The following SPTBN4 variants were observed in gnomAD, a reference collection of about 807,000 sequenced individuals.
SPTBN4 encodes spectrin beta, non-erythrocytic 4, also known as spectrin beta chain, non-erythrocytic 4.
Under a neutral mutation model 277.8 loss-of-function variants are expected in SPTBN4, and 96 were observed. That is an observed-to-expected ratio of 0.35 (90% CI 0.29 to 0.41). The LOEUF (loss-of-function observed/expected upper bound fraction) is 0.41, where lower values mean the gene tolerates loss of function less well. Among genes scored for constraint, SPTBN4 ranks in the 10% least tolerant of loss-of-function variants. The pLI, the probability that SPTBN4 is intolerant of heterozygous loss-of-function variation, is 1.00. For synonymous variants in SPTBN4, 1,481 were observed against 1,580.3 expected (o/e 0.94, Z 1.49); for missense variants, 3,006 against 3,595.7 (o/e 0.84, Z 4.19).
rs758584734 is a variant in SPTBN4, at chr19:40,554,719, A to G, written c.5084+73A>G. 7.1e-5 allele frequency: 110 copies of G among 1,554,894 alleles called. No individual in the cohort carries two copies. The highest frequency in any genetic ancestry group is 9.1e-5 in the Non-Finnish European group (105 of 1,150,312). On this transcript the variant is annotated intron_variant, in intron 24 of 35. Coordinates refer to ENST00000598249, the MANE Select transcript of SPTBN4 (RefSeq NM_020971.3). This position sits in a 1 kb window ranked among gnomAD's most constrained non-coding sequence, Gnocchi z 5.7. ...AAGCTTCGCTGTTGGGAGTTGGCGC[A>G]GCGCTGGAATTGGACGTTGGGTGGG...
At chr19:40,521,821 A>T (rs552831467) in intron 16 of SPTBN4, among the ~76,000 whole-genome samples, 6 of 152,280 alleles carry the variant, frequency 3.9e-5, no homozygotes, top group Non-Finnish European at 7.4e-5. Context: ...TGACCCACCC[A>T]TTTAAAAAAT....
rs180844163 is a variant in SPTBN4, at chr19:40,569,514, G to A, written c.6957-143G>A. The A allele has an allele frequency of 2.1e-3, 1,553 of 741,518 alleles. 23 individuals carry two copies. The African/African-American group carries it at 0.026, about 12-fold the overall frequency. The allele number at this position is 741,518 out of a possible 1,614,324, so 45.9% of individuals were successfully genotyped here. A position where few individuals can be genotyped will look rare whatever the true frequency, so the allele number is the denominator to read the frequency against. ...CCCAAACACCTGTGGTACCTAAGGCGAGCATCTGAGAGAAACAGCTGCAGA... is the reference window on the plus strand; with the variant it reads ...CCCAAACACCTGTGGTACCTAAGGCAAGCATCTGAGAGAAACAGCTGCAGA... On this transcript the variant is annotated intron_variant, in intron 31 of 35. Coordinates refer to ENST00000598249, the MANE Select transcript of SPTBN4 (RefSeq NM_020971.3).
chr19:40,531,025 G>A (rs1019559047), intron 18 of SPTBN4, among the ~76,000 whole-genome samples: 3 of 151,020 alleles, frequency 2.0e-5, no homozygotes, highest in African/African-American at 7.3e-5. Context: ...GATGATGGAG[G>A]TGAATCACTT....
intron 17 of SPTBN4, among the ~76,000 whole-genome samples, chr19:40,526,635 A>G (rs1284350497): frequency 6.6e-5 from 10 of 152,026 alleles, no homozygotes; most frequent in Non-Finnish European, 1.3e-4. Context: ...CCCAGGCTGG[A>G]GTGCAGTGGT....
At chr19:40,508,983 T>A (rs1287946107) in intron 13 of SPTBN4, among the ~76,000 whole-genome samples, 2 of 152,122 alleles carry the variant, frequency 1.3e-5, no homozygotes, top group Non-Finnish European at 2.9e-5. Flanking sequence ...GGCAAGATTA[T>A]GGAGCGAGCT....
At chr19:40,559,586 T>C (rs2081020824) in intron 26 of SPTBN4, among the ~76,000 whole-genome samples, 1 of 152,168 alleles carries the variant, frequency 6.6e-6, no homozygotes, top group Non-Finnish European at 1.5e-5. Flanking sequence ...ATGTCAAGGC[T>C]GCAGTGAATT....
intron 17 of SPTBN4, among the ~76,000 whole-genome samples, chr19:40,528,327 C>G (rs1006471661): frequency 5.3e-5 from 8 of 152,182 alleles, no homozygotes; most frequent in African/African-American, 1.9e-4. Context: ...GTGGTACGGC[C>G]TGGGTCCAGC....
intron 17 of SPTBN4, among the ~76,000 whole-genome samples, chr19:40,525,009 C>A (rs1320856391): frequency 6.6e-6 from 1 of 152,108 alleles, no homozygotes; most frequent in Non-Finnish European, 1.5e-5. Context: ...CTCCTGGTGA[C>A]CCTAAATTTC....
At chr19:40,508,457 T>C (rs1440262521) in intron 13 of SPTBN4, among the ~76,000 whole-genome samples, 5 of 152,030 alleles carry the variant, frequency 3.3e-5, no homozygotes, top group African/African-American at 7.2e-5. Context: ...GAGGCCAAGG[T>C]AGGTGGATCA....
intron 18 of SPTBN4, chr19:40,530,691 A>C (rs986484907): frequency 2.8e-5 from 8 of 290,056 alleles, no homozygotes; most frequent in East Asian, 2.7e-4. Context: ...CGCGGGAGGG[A>C]GGGGCGGGGC....
chr19:40,530,230 C>T (rs1442050481), intron 18 of SPTBN4, among the ~76,000 whole-genome samples: 4 of 152,114 alleles, frequency 2.6e-5, no homozygotes, highest in Non-Finnish European at 5.9e-5. Flanking sequence ...TGAGGCAGTC[C>T]AAGCCCCAGG....
intron 13 of SPTBN4, among the ~76,000 whole-genome samples, chr19:40,510,901 C>T (rs957245214): frequency 1.3e-5 from 2 of 152,120 alleles, no homozygotes; most frequent in African/African-American, 4.8e-5. Flanking sequence ...CCCATAGTCC[C>T]AGCTACTCAG....
intron 33 of SPTBN4, 161 bp from the exon 34 acceptor site, chr19:40,571,858 C>G: frequency 1.4e-6 from 1 of 706,842 alleles, no homozygotes; most frequent in Non-Finnish European, 2.2e-6. Flanking sequence ...AGGGCAGCAA[C>G]AGCCTTAAGG....
intron 12 of SPTBN4, among the ~76,000 whole-genome samples, chr19:40,504,463 TTC>T (rs2080301015): frequency 6.6e-6 from 1 of 152,054 alleles, no homozygotes; most frequent in Admixed American, 6.6e-5. Flanking sequence ...GGTCAGCAGT[TTC>T]AGACCAGCCT....
At chr19:40,489,191 C>T (rs566856821) in intron 3 of SPTBN4, among the ~76,000 whole-genome samples, 1 of 130,894 alleles carries the variant, frequency 7.6e-6, no homozygotes, top group East Asian at 2.1e-4. Context: ...GAGTGAGACT[C>T]CGTTTCAAAA....
At chr19:40,546,240 AAG>A (rs2080858906) in intron 20 of SPTBN4, among the ~76,000 whole-genome samples, 1 of 151,062 alleles carries the variant, frequency 6.6e-6, no homozygotes. Context: ...AAAAAAAAAA[AAG>A]AAAGAAAGAA....
chr19:40,528,991 G>T, intron 17 of SPTBN4, 50 bp from the exon 18 acceptor site: 1 of 1,484,342 alleles, frequency 6.7e-7, no homozygotes, highest in African/African-American at 1.4e-5. Context: ...TGCCAGCGCC[G>T]CACCCCCCAA....
At chr19:40,574,120 A>G (rs1400431221) in intron 35 of SPTBN4, among the ~76,000 whole-genome samples, 1 of 59,716 alleles carries the variant, frequency 1.7e-5, no homozygotes, top group Non-Finnish European at 4.5e-5. Context: ...ACAAACAAAC[A>G]AAACAAAACA....
Position 40,490,931 on chromosome 19 carries a change from A to T in SPTBN4, c.495+683A>T, listed in dbSNP as rs918301516. On this transcript the variant is annotated intron_variant, in intron 4 of 35. Transcript: ENST00000598249. This position sits in a 1 kb window ranked among gnomAD's most constrained non-coding sequence, Gnocchi z 4.3. ...GTGGTGCATGCCTGTGGTCCCAGCTACTCAGGAGGCTGAGGCAGGAGGATC... is the reference window on the plus strand; with the variant it reads ...GTGGTGCATGCCTGTGGTCCCAGCTTCTCAGGAGGCTGAGGCAGGAGGATC... Among the ~76,000 whole-genome samples the T allele has an allele frequency of 6.6e-6, 1 of 152,012 alleles. No homozygotes were observed. Among genetic ancestry groups the T allele is most frequent in the Non-Finnish European group, 1.5e-5 (1 of 68,010 alleles).
Sources: allele counts gnomAD v4.1 joint callset (sites outside exome capture counted in the v4.1 genomes callset), GRCh38; gene constraint gnomAD v4.1.1; non-coding constraint Gnocchi (gnomAD v3.1); transcripts MANE v1.5; gene names NCBI Gene and HGNC (gene_info 2026-07-23, HGNC 2026-07-21).